The following PRKCH variants were observed in gnomAD, a reference collection of about 807,000 sequenced individuals.
The protein encoded by PRKCH is protein kinase C eta.
Under a neutral mutation model 82.5 loss-of-function variants are expected in PRKCH, and 28 were observed. The observed-to-expected ratio is 0.34, with a 90% CI of 0.25 to 0.47. The LOEUF (loss-of-function observed/expected upper bound fraction) is 0.47, where lower values mean the gene tolerates loss of function less well. Ranked by LOEUF, PRKCH falls within the 20% of genes least tolerant of loss-of-function variation. The pLI is 1.00. For missense variants in PRKCH, 705 were observed against 881.8 expected (o/e 0.80, Z 2.54); for synonymous variants, 322 against 327.4 (o/e 0.98, Z 0.18).
At chr14:61,249,707 G>A (rs1056694184) in intron 1 of PRKCH, among the ~76,000 whole-genome samples, 22 of 151,672 alleles carry the variant, frequency 1.5e-4, no homozygotes, top group Admixed American at 6.6e-5. Flanking sequence ...TGCAACCTCC[G>A]CCTCCTGGAT....
chr14:61,383,573 CTG>C (rs2046542793), intron 1 of PRKCH, among the ~76,000 whole-genome samples: 1 of 152,094 alleles, frequency 6.6e-6, no homozygotes, highest in Non-Finnish European at 1.5e-5. Context: ...GCTCATGAAG[CTG>C]TGTCATCTTC....
chr14:61,364,384 G>C (rs1437093855), intron 1 of PRKCH, among the ~76,000 whole-genome samples: 2 of 152,012 alleles, frequency 1.3e-5, no homozygotes, highest in Non-Finnish European at 2.9e-5. Context: ...GCTGAGATTA[G>C]AAACTGAATT....
chr14:61,226,742 T>C lies in PRKCH; in HGVS notation c.-19+39074T>C, dbSNP rs554710616. On this transcript the variant is annotated intron_variant, in intron 1 of 3. Coordinates refer to the PRKCH transcript ENST00000555185. ...AGGCAAACATTTGAGCATTCAGTCG[T>C]TCCTAACAAAGGCCTAAATATTATT... Among the ~76,000 whole-genome samples the C allele has an allele frequency of 7.9e-5, 12 of 152,330 alleles. 1 individual carries two copies. The East Asian group carries it at 2.1e-3, about 27-fold the overall frequency.
At chr14:61,420,925 G>A (rs938057845) in intron 2 of PRKCH, among the ~76,000 whole-genome samples, 1 of 152,080 alleles carries the variant, frequency 6.6e-6, no homozygotes, top group African/African-American at 2.4e-5. Flanking sequence ...TAAGGGACCT[G>A]AAGCTCCCCA....
chr14:61,493,788 T>A (rs1248437373), intron 10 of PRKCH, among the ~76,000 whole-genome samples: 1 of 151,620 alleles, frequency 6.6e-6, no homozygotes. Context: ...AGAGGTTCAT[T>A]TTGAGGCAGT....
chr14:61,252,947 G>A (rs533210164), intron 1 of PRKCH, among the ~76,000 whole-genome samples: 8 of 152,234 alleles, frequency 5.3e-5, no homozygotes, highest in Admixed American at 2.6e-4. Flanking sequence ...TCTTCTGAGC[G>A]TATGGTGGGC....
chr14:61,429,959 C>T (rs1327111156), intron 2 of PRKCH, among the ~76,000 whole-genome samples: 3 of 152,054 alleles, frequency 2.0e-5, no homozygotes, highest in Non-Finnish European at 4.4e-5. Context: ...AAACATGATC[C>T]CTAACCTTTC....
chr14:61,439,612 T>C (rs527397626), intron 2 of PRKCH, among the ~76,000 whole-genome samples: 262 of 146,768 alleles, frequency 1.8e-3, no homozygotes, highest in African/African-American at 7.0e-3. Context: ...CCCGGCCTGC[T>C]GTGGGAACAG....
chr14:61,480,755 G>T (rs551708123), intron 9 of PRKCH, among the ~76,000 whole-genome samples: 2 of 152,186 alleles, frequency 1.3e-5, no homozygotes, highest in Non-Finnish European at 2.9e-5. Flanking sequence ...GCACCCCTAA[G>T]TAGCTTTTTG....
chr14:61,278,701 A>G (rs1247297694), intron 1 of PRKCH: 1 of 152,178 alleles, frequency 6.6e-6, no homozygotes, highest in Non-Finnish European at 1.5e-5. Flanking sequence ...ATTTTGCTAT[A>G]CAAGGTTTTT....
intron 12 of PRKCH, among the ~76,000 whole-genome samples, chr14:61,546,239 A>G (rs1344849308): frequency 6.6e-6 from 1 of 152,202 alleles, no homozygotes; most frequent in Non-Finnish European, 1.5e-5. Flanking sequence ...TGAGTTACTT[A>G]TAATATGCAT....
intron 12 of PRKCH, among the ~76,000 whole-genome samples, chr14:61,536,867 C>G (rs2043116832): frequency 6.6e-6 from 1 of 152,144 alleles, no homozygotes; most frequent in Admixed American, 6.5e-5. Flanking sequence ...CCCTCTCCAC[C>G]CGCAACACCC....
chr14:61,487,829 A>AT (rs1323661320), intron 10 of PRKCH, among the ~76,000 whole-genome samples: 1 of 16,064 alleles, frequency 6.2e-5, no homozygotes, highest in African/African-American at 1.4e-4. Flanking sequence ...CCCTATCTCT[A>AT]CAAAAAAAAA....
At chr14:61,210,808 G>GTA (rs1329983382) in intron 1 of PRKCH, among the ~76,000 whole-genome samples, 1 of 151,684 alleles carries the variant, frequency 6.6e-6, no homozygotes, top group African/African-American at 2.4e-5. Context: ...GTGTGTGTGT[G>GTA]TGTGTGCGTG....
chr14:61,312,450 C>T (rs2045532517), intron 1 of PRKCH, among the ~76,000 whole-genome samples: 1 of 152,168 alleles, frequency 6.6e-6, no homozygotes, highest in African/African-American at 2.4e-5. Context: ...AATGGCTACT[C>T]TAGTAAATAG....
intron 1 of PRKCH, among the ~76,000 whole-genome samples, chr14:61,195,597 C>A (rs2044435126): frequency 6.6e-6 from 1 of 152,140 alleles, no homozygotes; most frequent in Non-Finnish European, 1.5e-5. Flanking sequence ...TTTTAGGAAC[C>A]AAAGGAAGAA....
At chr14:61,505,663 C>T (rs1030613295) in intron 10 of PRKCH, among the ~76,000 whole-genome samples, 9 of 151,980 alleles carry the variant, frequency 5.9e-5, no homozygotes, top group Non-Finnish European at 8.8e-5. Context: ...GCATGAGCCA[C>T]CACGCCCAGC....
intron 1 of PRKCH, among the ~76,000 whole-genome samples, chr14:61,369,030 T>C (rs1024621993): frequency 1.3e-5 from 2 of 152,094 alleles, no homozygotes; most frequent in South Asian, 2.1e-4. Flanking sequence ...GTGGCTTGGA[T>C]CTTTGTAAAT....
intron 2 of PRKCH, among the ~76,000 whole-genome samples, chr14:61,420,323 TC>T (rs1380124022): frequency 6.6e-6 from 1 of 152,172 alleles, no homozygotes; most frequent in African/African-American, 2.4e-5. Context: ...ATGCTACTCC[TC>T]CTTTTTCCTC....
Sources: allele counts gnomAD v4.1 joint callset (sites outside exome capture counted in the v4.1 genomes callset), GRCh38; gene constraint gnomAD v4.1.1; transcripts MANE v1.5; gene names NCBI Gene and HGNC (gene_info 2026-07-23, HGNC 2026-07-21).